USP25: variants seen among roughly 807,000 people sequenced by gnomAD.
USP25 encodes the protein ubiquitin carboxyl-terminal hydrolase 25.
A neutral mutation model predicts 158.5 loss-of-function variants in USP25; 85 were observed. The observed-to-expected ratio is 0.54, with a 90% CI of 0.45 to 0.64. The LOEUF (loss-of-function observed/expected upper bound fraction) is 0.64, where lower values mean the gene tolerates loss of function less well. Ranked by LOEUF, USP25 falls within the 30% of genes least tolerant of loss-of-function variation. The pLI is 0.00. For missense variants in USP25, 1,242 were observed against 1,327.3 expected (o/e 0.94, Z 1.00); for synonymous variants, 464 against 460.4 (o/e 1.01, Z -0.10).
chr21:15,845,131 C>G (rs1278636695), intron 18 of USP25, among the ~76,000 whole-genome samples: 1 of 151,992 alleles, frequency 6.6e-6, no homozygotes, highest in Non-Finnish European at 1.5e-5. Context: ...GGTTGAATTA[C>G]TAGCTTAAAA....
chr21:15,846,137 TA>T (rs2038582096), intron 18 of USP25, among the ~76,000 whole-genome samples: 3 of 52,542 alleles, frequency 5.7e-5, no homozygotes, highest in South Asian at 6.9e-4. Flanking sequence ...TATATATATA[TA>T]TATATATATA....
At chr21:15,783,357 G>A (rs1307589054) in intron 4 of USP25, among the ~76,000 whole-genome samples, 1 of 152,178 alleles carries the variant, frequency 6.6e-6, no homozygotes, top group African/African-American at 2.4e-5. Flanking sequence ...TAGATTGCCT[G>A]TGTCCTTCTG....
intron 1 of USP25, among the ~76,000 whole-genome samples, chr21:15,754,516 C>G (rs1013532815): frequency 1.3e-5 from 2 of 152,136 alleles, no homozygotes; most frequent in South Asian, 4.1e-4. Context: ...TTGGATTTAC[C>G]TTGTGATTAA....
At chr21:15,754,381 G>T (rs1445447126) in intron 1 of USP25, among the ~76,000 whole-genome samples, 1 of 152,196 alleles carries the variant, frequency 6.6e-6, no homozygotes, top group Non-Finnish European at 1.5e-5. Flanking sequence ...GGCATTATAT[G>T]TATGTACCAG....
intron 8 of USP25, among the ~76,000 whole-genome samples, chr21:15,810,113 T>C (rs1004206500): frequency 1.3e-5 from 2 of 152,156 alleles, no homozygotes; most frequent in African/African-American, 4.8e-5. Flanking sequence ...ACTGTACAGT[T>C]AAAGGGTTAT....
intron 17 of USP25, among the ~76,000 whole-genome samples, chr21:15,837,941 CTT>C (rs112784230): frequency 6.9e-6 from 1 of 145,724 alleles, no homozygotes. Context: ...AGGTGATATT[CTT>C]TTTTTTTTTT....
intron 10 of USP25, among the ~76,000 whole-genome samples, chr21:15,822,797 T>C (rs777380209): frequency 1.3e-5 from 2 of 152,008 alleles, no homozygotes; most frequent in Non-Finnish European, 2.9e-5. Context: ...TTTTAAAACT[T>C]GAGATGTTTC....
chr21:15,818,960 GA>G, intron 10 of USP25, 114 bp downstream of exon 10: 9 of 1,264,142 alleles, frequency 7.1e-6, no homozygotes, highest in Non-Finnish European at 9.8e-6. Context: ...AGAATACTCA[GA>G]GAGTATGTTT....
intron 20 of USP25, among the ~76,000 whole-genome samples, chr21:15,859,894 T>G (rs2039341094): frequency 6.6e-6 from 1 of 150,422 alleles, no homozygotes; most frequent in Non-Finnish European, 1.5e-5. Flanking sequence ...TACATTATAT[T>G]TTATTTCTCC....
At chr21:15,733,802 A>C (rs991136167) in intron 1 of USP25, among the ~76,000 whole-genome samples, 3 of 152,146 alleles carry the variant, frequency 2.0e-5, no homozygotes, top group Non-Finnish European at 4.4e-5. Context: ...AGATCGCGCC[A>C]TTGCACTCCA....
intron 4 of USP25, among the ~76,000 whole-genome samples, chr21:15,787,299 A>G (rs2035334716): frequency 6.6e-6 from 1 of 152,162 alleles, no homozygotes; most frequent in African/African-American, 2.4e-5. Flanking sequence ...TAGCCAAAGC[A>G]AGCCTGAACA....
chr21:15,758,056 T>C (rs757303347), intron 1 of USP25, among the ~76,000 whole-genome samples: 2 of 152,222 alleles, frequency 1.3e-5, no homozygotes, highest in Non-Finnish European at 2.9e-5. Flanking sequence ...TCTAAGTTGA[T>C]CTGCATCAAA....
At chr21:15,845,559 A>G (rs911570352) in intron 18 of USP25, among the ~76,000 whole-genome samples, 1 of 152,154 alleles carries the variant, frequency 6.6e-6, no homozygotes, top group African/African-American at 2.4e-5. Context: ...TTCAATAGTA[A>G]CTGAAAAGGT....
chr21:15,805,242 C>A lies in USP25; in HGVS notation c.764C>A (p.Ser255Ter). The A allele has an allele frequency of 6.2e-7, 1 of 1,601,740 alleles. No homozygotes were observed. Among genetic ancestry groups the A allele is most frequent in the South Asian group, 1.1e-5 (1 of 88,222 alleles). Residue 255 changes from serine to a stop codon, truncating the protein, a stop_gained, in exon 7 of 26, where the codon TCA becomes TAA. Transcript: ENST00000400183. LOFTEE classifies it high-confidence loss of function. Reference protein sequence around the residue: ...AVEILKDAFKSNDSQQQDVSE... With the variant: ...AVEILKDAFK The stretch of plus-strand genomic sequence containing the variant: ...GAAATTCTTAAGGATGCTTTCAAAT[C>A]AAATGACTCACAGCAGGTAGTTCTG...
intron 9 of USP25, among the ~76,000 whole-genome samples, chr21:15,811,785 G>A (rs368590306): frequency 5.9e-5 from 9 of 152,170 alleles, no homozygotes; most frequent in African/African-American, 1.9e-4. Flanking sequence ...TCCCTAACAA[G>A]GGAGGAGACT....
chr21:15,753,293 G>A (rs552297394), intron 1 of USP25, among the ~76,000 whole-genome samples: 1 of 152,286 alleles, frequency 6.6e-6, no homozygotes, highest in South Asian at 2.1e-4. Context: ...TGCATGTTGC[G>A]AGGGTCTGTC....
At chr21:15,836,594 G>T (rs1458781380) in intron 17 of USP25, among the ~76,000 whole-genome samples, 4 of 16,098 alleles carry the variant, frequency 2.5e-4, no homozygotes. Context: ...TGTCAGTGTG[G>T]GGATCAGAAT....
intron 14 of USP25, among the ~76,000 whole-genome samples, chr21:15,827,781 T>C (rs945541055): frequency 2.6e-5 from 4 of 151,242 alleles, no homozygotes; most frequent in Middle Eastern, 3.4e-3. Flanking sequence ...TGTGTGTGTG[T>C]GTGTGTGTGT....
intron 7 of USP25, among the ~76,000 whole-genome samples, chr21:15,806,175 C>T (rs755158778): frequency 1.6e-4 from 25 of 152,148 alleles, no homozygotes; most frequent in Non-Finnish European, 2.5e-4. Flanking sequence ...GTTTCTTACT[C>T]GCTCTGTCAT....
Sources: gnomAD v4.1 joint callset for allele counts (sites outside exome capture counted in the v4.1 genomes callset) on GRCh38, gnomAD v4.1.1 for gene constraint, MANE v1.5 for transcripts, NCBI Gene and HGNC (gene_info 2026-07-23, HGNC 2026-07-21) for gene names.